Variants in CALCOCO2 observed in about 807,000 individuals in gnomAD.
The protein encoded by CALCOCO2 is calcium-binding and coiled-coil domain-containing protein 2.
In CALCOCO2, 42 loss-of-function variants were observed where a neutral mutation model predicts 62.5. That is an observed-to-expected ratio of 0.67 (90% CI 0.53 to 0.87). CALCOCO2 has a LOEUF of 0.87. Among genes scored for constraint, CALCOCO2 ranks in the 40% least tolerant of loss-of-function variants. The pLI, the probability that CALCOCO2 is intolerant of heterozygous loss-of-function variation, is 0.00. For missense variants in CALCOCO2, 456 were observed against 515.0 expected (o/e 0.89, Z 1.11); for synonymous variants, 167 against 173.0 (o/e 0.97, Z 0.27).
intron 1 of CALCOCO2, among the ~76,000 whole-genome samples, chr17:48,834,077 A>T (rs1436489103): frequency 7.2e-6 from 1 of 138,902 alleles, no homozygotes; most frequent in East Asian, 2.1e-4. Context: ...CATTCATGCC[A>T]TTGCACTCCA....
At position 48,863,030 on chromosome 17, in the gene CALCOCO2, CAG is replaced by C. The variant is rs760246354; in HGVS notation, c.*29_*30del. The C allele has an allele frequency of 1.7e-5, 27 of 1,548,706 alleles. No individual in the cohort carries two copies. The South Asian group carries it at 3.0e-4, about 17-fold the overall frequency. ...AGTATCCCAACCTCTTGGATGTATACAGAGATTTTATAGAATAGAACCTATAG... is the reference window on the plus strand; with the variant it reads ...AGTATCCCAACCTCTTGGATGTATACAGATTTTATAGAATAGAACCTATAG... On this transcript the variant is annotated 3_prime_UTR_variant, in exon 13 of 13. Transcript: ENST00000258947.
rs367595425 is a variant in CALCOCO2, at chr17:48,861,659, G to GTATATATATATATATATATATA, written c.1145-616_1145-615insATATATATATATATATATATAT. On this transcript the variant is annotated intron_variant, in intron 11 of 12. Transcript: ENST00000258947. ...TATATGTATATATATATATGTGTGT[G>GTATATATATATATATATATATA]TGTATATATATATATATAAAGCCTG... Among the ~76,000 whole-genome samples, 672 of 135,032 alleles carry GTATATATATATATATATATATA rather than the reference G, an allele frequency of 5.0e-3. 23 individuals carry two copies. Among genetic ancestry groups the GTATATATATATATATATATATA allele is most frequent in the African/African-American group, 0.019 (608 of 31,822 alleles). 88.6% of individuals were successfully genotyped at this position (135,032 alleles called of 152,430 possible). A position where few individuals can be genotyped will look rare whatever the true frequency, so the allele number is the denominator to read the frequency against.
chr17:48,855,035 G>A (rs2040193988), intron 9 of CALCOCO2, among the ~76,000 whole-genome samples: 1 of 152,144 alleles, frequency 6.6e-6, no homozygotes, highest in African/African-American at 2.4e-5. Flanking sequence ...GAAAGCAAGA[G>A]GTGCAAAGGT....
chr17:48,836,799 A>G (rs1415251997), intron 1 of CALCOCO2, among the ~76,000 whole-genome samples: 2 of 104,780 alleles, frequency 1.9e-5, no homozygotes, highest in Admixed American at 2.5e-4. Flanking sequence ...TTTTGCTCTT[A>G]TTGCCCAAGC....
chr17:48,842,034 C>G, intron 2 of CALCOCO2, 147 bp downstream of exon 2: 1 of 501,828 alleles, frequency 2.0e-6, no homozygotes, highest in Non-Finnish European at 3.5e-6. Context: ...GCACTTCTCT[C>G]TTCACACATT....
chr17:48,846,429 T>A (rs752625620), intron 2 of CALCOCO2: 54 of 1,230,176 alleles, frequency 4.4e-5, no homozygotes, highest in Non-Finnish European at 5.6e-5. Flanking sequence ...TGCTTCATAC[T>A]CTCCTTGACT....
At chr17:48,837,326 A>G (rs1342801981) in intron 1 of CALCOCO2, among the ~76,000 whole-genome samples, 3 of 152,132 alleles carry the variant, frequency 2.0e-5, no homozygotes, top group Non-Finnish European at 4.4e-5. Flanking sequence ...CCTAGACTGG[A>G]ATGTGAACAT....
At chr17:48,840,111 A>G (rs1225421417) in intron 1 of CALCOCO2, among the ~76,000 whole-genome samples, 2 of 151,590 alleles carry the variant, frequency 1.3e-5, no homozygotes, top group African/African-American at 2.4e-5. Flanking sequence ...CTAGTTTCCT[A>G]TTTCGTTGTT....
At chr17:48,857,101 C>A (rs2040227452) in intron 10 of CALCOCO2, among the ~76,000 whole-genome samples, 1 of 151,416 alleles carries the variant, frequency 6.6e-6, no homozygotes, top group Non-Finnish European at 1.5e-5. Flanking sequence ...CACGCCCGGC[C>A]CATTCTCATG....
Position 48,863,013 on chromosome 17 carries a change from A to T in CALCOCO2, c.*8A>T. 6.3e-7 allele frequency: 1 copy of T among 1,593,440 alleles called. No homozygotes were observed. Among genetic ancestry groups the T allele is most frequent in the African/African-American group, 1.3e-5 (1 of 74,670 alleles). ...TTCTGCCACTCTCTCTGAGTATCCC[A>T]ACCTCTTGGATGTATACAGAGATTT... On this transcript the variant is annotated 3_prime_UTR_variant, in exon 13 of 13. Transcript: ENST00000258947.
chr17:48,834,712 G>A (rs189802639), intron 1 of CALCOCO2, among the ~76,000 whole-genome samples: 1 of 152,066 alleles, frequency 6.6e-6, no homozygotes, highest in South Asian at 2.1e-4. Flanking sequence ...TTCTATAGTG[G>A]GAAAGGTGGT....
rs2040309883 is a variant in CALCOCO2, at chr17:48,860,351, T to G, written c.1046T>G (p.Met349Arg). 1 of 1,613,608 alleles carries G rather than the reference T, an allele frequency of 6.2e-7. No individual in the cohort carries two copies. The highest frequency in any genetic ancestry group is 1.3e-5 in the African/African-American group (1 of 74,932). Residue 349 changes from methionine to arginine, a missense_variant, in exon 11 of 13, where the codon ATG becomes AGG. Transcript: ENST00000258947. Reference protein sequence around the residue: ...KRENSRLLSYMGLDFNSLPYQ... With the variant: ...KRENSRLLSYRGLDFNSLPYQ... The stretch of plus-strand genomic sequence containing the variant: ...GAGAACAGCAGATTGCTCAGTTACA[T>G]GGGTCTGGATTTTAATTCTTTGCCG...
At chr17:48,844,877 C>T (rs934498076) in intron 2 of CALCOCO2, among the ~76,000 whole-genome samples, 11 of 152,036 alleles carry the variant, frequency 7.2e-5, no homozygotes, top group Non-Finnish European at 1.0e-4. Flanking sequence ...CGGTGGCTCA[C>T]GCCTGTAATC....
intron 2 of CALCOCO2, 29 bp downstream of exon 2, chr17:48,841,916 C>G (rs769338590): frequency 2.6e-6 from 4 of 1,528,934 alleles, no homozygotes; most frequent in Middle Eastern, 1.7e-4. Flanking sequence ...ACCAAGTGAT[C>G]AGGAACTAGA....
At chr17:48,861,649 A>ATG (rs1477893743) in intron 11 of CALCOCO2, among the ~76,000 whole-genome samples, 37 of 15,570 alleles carry the variant, frequency 2.4e-3, no homozygotes, top group African/African-American at 5.3e-3. Flanking sequence ...GTATATATAT[A>ATG]TATGTGTGTG....
intron 9 of CALCOCO2, chr17:48,855,825 C>T: frequency 4.8e-6 from 1 of 208,426 alleles, no homozygotes; most frequent in African/African-American, 2.4e-5. Context: ...CCCAAGGTTG[C>T]TTTTTCCCTC....
At chr17:48,838,165 G>A (rs2039921687) in intron 1 of CALCOCO2, among the ~76,000 whole-genome samples, 1 of 151,958 alleles carries the variant, frequency 6.6e-6, no homozygotes, top group African/African-American at 2.4e-5. Flanking sequence ...AGAGGGTCGT[G>A]ATCAATTGAG....
intron 11 of CALCOCO2, among the ~76,000 whole-genome samples, chr17:48,861,302 C>T (rs565423515): frequency 2.0e-5 from 3 of 152,176 alleles, no homozygotes; most frequent in East Asian, 1.9e-4. Context: ...GTGCAACCTC[C>T]GCCTCCTGGG....
At position 48,848,356 on chromosome 17, in the gene CALCOCO2, G is replaced by T; in HGVS notation, c.318G>T (p.Gln106His). 6.2e-7 allele frequency: 1 copy of T among 1,613,370 alleles called. No individual in the cohort carries two copies. Among genetic ancestry groups the T allele is most frequent in the Non-Finnish European group, 8.5e-7 (1 of 1,179,308 alleles). Residue 106 changes from glutamine to histidine, a missense_variant, in exon 4 of 13, where the codon CAG (glutamine) becomes CAT (histidine). Around this residue, in one of 3 missense-constraint regions of CALCOCO2, gnomAD observed 236 missense variants for 225.3 expected, o/e 1.05. Coordinates refer to ENST00000258947, the MANE Select transcript of CALCOCO2 (RefSeq NM_005831.5). The stretch of plus-strand genomic sequence containing the variant: ...TGCCCAAGGATGATGAGTATTACCA[G>T]TTCTGCTATGTGGATGAGGATGGTG... ...YYLPKDDEYY[Q>H]FCYVDEDGVV...
Sources: allele counts gnomAD v4.1 joint callset (sites outside exome capture counted in the v4.1 genomes callset), GRCh38; gene constraint gnomAD v4.1.1; regional missense constraint gnomAD v4.1.1; transcripts MANE v1.5; gene names NCBI Gene and HGNC (gene_info 2026-07-23, HGNC 2026-07-21).